The following AFG3L2 variants were observed in gnomAD, a reference collection of about 807,000 sequenced individuals.
AFG3L2 encodes the protein AFG3 like matrix AAA peptidase subunit 2, also known as mitochondrial inner membrane m-AAA protease component AFG3L2.
In AFG3L2, 54 loss-of-function variants were observed where a neutral mutation model predicts 94.5. The ratio of observed to expected loss-of-function variants is 0.57; its 90% confidence interval spans 0.46 to 0.72. AFG3L2 has a LOEUF of 0.72. Ranked by LOEUF, AFG3L2 falls within the 30% of genes least tolerant of loss-of-function variation. AFG3L2 has a pLI of 0.00. For synonymous variants in AFG3L2, 377 were observed against 365.5 expected, an observed-to-expected ratio of 1.03 and a Z score of -0.36; for missense variants, 754 against 994.9, an observed-to-expected ratio of 0.76 and a Z score of 3.26.
chr18:12,375,831 T>C (rs1246685389), intron 1 of AFG3L2, among the ~76,000 whole-genome samples: 4 of 151,026 alleles, frequency 2.6e-5, no homozygotes, highest in Non-Finnish European at 5.9e-5. Flanking sequence ...GCGCCTGGCC[T>C]CTCCAGAAAC....
chr18:12,351,228 A>G lies in AFG3L2; in HGVS notation c.1427-18T>C. 1 of 1,614,112 alleles carries G rather than the reference A, an allele frequency of 6.2e-7. No homozygotes were observed. Among genetic ancestry groups the G allele is most frequent in the South Asian group, 1.1e-5 (1 of 91,072 alleles). On this transcript the variant is annotated intron_variant, in intron 11 of 16. Transcript: ENST00000269143. ...TGGTGGTCCTTTAGAAATCATTTTT[A>G]AGGAAAAGAAAATCATATTGAAACA...
intron 16 of AFG3L2, among the ~76,000 whole-genome samples, chr18:12,330,318 T>G (rs2143076951): frequency 7.4e-6 from 1 of 135,596 alleles, no homozygotes; most frequent in Non-Finnish European, 1.6e-5. Context: ...AGAGCGAGAC[T>G]CCTTCTCAAA....
At chr18:12,356,933 T>C (rs946333340) in intron 8 of AFG3L2, 102 bp from the exon 9 acceptor site, 16 of 1,146,846 alleles carry the variant, frequency 1.4e-5, no homozygotes, top group South Asian at 1.2e-4. Flanking sequence ...CTAAATCTTA[T>C]TGATATATAT....
At chr18:12,350,356 A>G (rs1208174501) in intron 12 of AFG3L2, among the ~76,000 whole-genome samples, 1 of 152,222 alleles carries the variant, frequency 6.6e-6, no homozygotes, top group Non-Finnish European at 1.5e-5. Context: ...CCCTGTAAAT[A>G]TACTAGAAAC....
At chr18:12,332,422 C>A (rs1907563027) in intron 16 of AFG3L2, among the ~76,000 whole-genome samples, 1 of 152,038 alleles carries the variant, frequency 6.6e-6, no homozygotes, top group Non-Finnish European at 1.5e-5. Context: ...GAGATAACTC[C>A]TTACTCTGAA....
rs553335563 is a variant in AFG3L2, at chr18:12,337,910, T to C, written c.1981-375A>G. ...TCAGCCTCCCAAGCAGCTGGGATTATAGGCACCTGCCACCACTCCCGGCTA... is the reference window on the plus strand; with the variant it reads ...TCAGCCTCCCAAGCAGCTGGGATTACAGGCACCTGCCACCACTCCCGGCTA... On this transcript the variant is annotated intron_variant, in intron 15 of 16. Transcript: ENST00000269143. Among the ~76,000 whole-genome samples, 30 of 152,210 alleles carry C rather than the reference T, an allele frequency of 2.0e-4. 1 individual carries two copies. In the South Asian group the frequency reaches 5.8e-3, roughly 30 times the overall value.
Position 12,329,316 on chromosome 18 carries a change from C to T in AFG3L2, c.*249G>A. ...TCGGCCACTCTGGGCTCAACCTTTC[C>T]AGCACGTCTGGGAGCCCAATGAGGC... On this transcript the variant is annotated 3_prime_UTR_variant, in exon 17 of 17. Transcript: ENST00000269143. 2.9e-6 allele frequency: 2 copies of T among 679,272 alleles called. No homozygotes were observed. Among genetic ancestry groups the T allele is most frequent in the South Asian group, 1.6e-5 (1 of 63,964 alleles). The allele number at this position is 679,272 out of a possible 1,614,324, so 42.1% of individuals were successfully genotyped here. A position where few individuals can be genotyped will look rare whatever the true frequency, so the allele number is the denominator to read the frequency against.
At chr18:12,343,245 AT>A (rs1908012003) in intron 14 of AFG3L2, 2 of 152,174 alleles carry the variant, frequency 1.3e-5, no homozygotes, top group Non-Finnish European at 2.9e-5. Flanking sequence ...CCAATTGTTT[AT>A]TGCTAATACA....
chr18:12,347,491 T>A (rs1254785944), intron 13 of AFG3L2, among the ~76,000 whole-genome samples: 2 of 152,188 alleles, frequency 1.3e-5, no homozygotes, highest in African/African-American at 4.8e-5. Flanking sequence ...CCCCCTATGC[T>A]GACTGAGGAA....
At chr18:12,370,948 T>A (rs758477902) in intron 2 of AFG3L2, 22 bp from the exon 3 acceptor site, 14 of 1,376,256 alleles carry the variant, frequency 1.0e-5, no homozygotes, top group Non-Finnish European at 1.4e-5. Flanking sequence ...AGAAAAAAAA[T>A]ACTTATCTTC....
At chr18:12,344,091 C>A in intron 14 of AFG3L2, 41 bp downstream of exon 14, 1 of 1,527,628 alleles carries the variant, frequency 6.5e-7, no homozygotes, top group South Asian at 1.1e-5. Flanking sequence ...AGCATCTGCT[C>A]ACCCATGCAC....
rs886053617 is a variant in AFG3L2, at chr18:12,376,994, G to C, written c.89C>G (p.Pro30Arg). Reference protein sequence around the residue: ...QQLLVPGGVGPGEQPCLRTLY... With the variant: ...QQLLVPGGVGRGEQPCLRTLY... Reference sequence around the variant, plus strand: ...CGTCCGGAGGCAGGGCTGCTCGCCCGGGCCCACGCCGCCAGGCACGAGGAG... The same window carrying C: ...CGTCCGGAGGCAGGGCTGCTCGCCCCGGCCCACGCCGCCAGGCACGAGGAG... Residue 30 changes from proline (P) to arginine (R), a missense_variant, in exon 1 of 17, where the codon CCG becomes CGG. Pro to Arg is a moderately radical substitution (Grantham distance 103). Coordinates refer to ENST00000269143, the MANE Select transcript of AFG3L2 (RefSeq NM_006796.3). 1 of 1,460,690 alleles carries C rather than the reference G, an allele frequency of 6.8e-7. No individual in the cohort carries two copies. The highest frequency in any genetic ancestry group is 1.3e-5 in the South Asian group (1 of 76,152). 90.5% of individuals were successfully genotyped at this position (1,460,690 alleles called of 1,614,324 possible).
chr18:12,360,010 T>C lies in AFG3L2; in HGVS notation c.669A>G (p.Glu223=). ...WFNIGSVDTF[E]RNLETLQQEL... ...CCTGCTGTAAAGTTTCCAGATTCCG[T>C]TCAAAGGTGTCCACACTGCCAATAT... The change falls in exon 7 of 17, where the codon GAA becomes GAG. Residue 223 remains glutamate, a synonymous_variant. Transcript: ENST00000269143. 1 of 1,614,132 alleles carries C rather than the reference T, an allele frequency of 6.2e-7. No individual in the cohort carries two copies. The highest frequency in any genetic ancestry group is 8.5e-7 in the Non-Finnish European group (1 of 1,179,996).
At chr18:12,345,918 C>T (rs1288246675) in intron 13 of AFG3L2, among the ~76,000 whole-genome samples, 4 of 152,156 alleles carry the variant, frequency 2.6e-5, no homozygotes, top group African/African-American at 9.7e-5. Flanking sequence ...GTTTACTGGG[C>T]ACCTATCCCC....
intron 6 of AFG3L2, among the ~76,000 whole-genome samples, chr18:12,362,632 T>C (rs1908694438): frequency 6.7e-6 from 1 of 148,996 alleles, no homozygotes; most frequent in African/African-American, 2.6e-5. Flanking sequence ...CCCGCCAATG[T>C]CAAAATCACC....
At chr18:12,338,680 A>T (rs1415779263) in intron 15 of AFG3L2, among the ~76,000 whole-genome samples, 2 of 152,218 alleles carry the variant, frequency 1.3e-5, no homozygotes, top group East Asian at 3.8e-4. Flanking sequence ...ATGTAAAAAT[A>T]GGCAATAGAA....
intron 6 of AFG3L2, among the ~76,000 whole-genome samples, chr18:12,363,448 A>AT (rs1419285608): frequency 6.6e-6 from 1 of 152,092 alleles, no homozygotes; most frequent in East Asian, 1.9e-4. Flanking sequence ...TGAGATTTTA[A>AT]TTTTTTTTCC....
chr18:12,377,102 T>C lies in AFG3L2; in HGVS notation c.-20A>G, dbSNP rs1305146279. The C allele has an allele frequency of 1.2e-5, 17 of 1,390,882 alleles. No homozygotes were observed. The highest frequency in any genetic ancestry group is 1.6e-5 in the Non-Finnish European group (17 of 1,068,476). 86.2% of individuals were successfully genotyped at this position (1,390,882 alleles called of 1,614,324 possible). A position where few individuals can be genotyped will look rare whatever the true frequency, so the allele number is the denominator to read the frequency against. On this transcript the variant is annotated 5_prime_UTR_variant, in exon 1 of 17. Coordinates refer to ENST00000269143, the MANE Select transcript of AFG3L2 (RefSeq NM_006796.3). The stretch of plus-strand genomic sequence containing the variant: ...CGCCATGGCCGCCGCCGTGGCCCTC[T>C]CGGCCCGGGACGCTGCGCAGGCGCG...
intron 9 of AFG3L2, among the ~76,000 whole-genome samples, chr18:12,353,506 TTC>T (rs1390989972): frequency 1.8e-5 from 2 of 111,918 alleles, no homozygotes; most frequent in Middle Eastern, 6.3e-3. Flanking sequence ...AAGAGCGAAA[TTC>T]TGTCTCAAAA....
Sources: gnomAD v4.1 joint callset for allele counts (sites outside exome capture counted in the v4.1 genomes callset) on GRCh38, gnomAD v4.1.1 for gene constraint, MANE v1.5 for transcripts, NCBI Gene and HGNC (gene_info 2026-07-23, HGNC 2026-07-21) for gene names.